Variants in KIAA1549 observed in about 807,000 individuals in gnomAD.
KIAA1549 encodes the protein KIAA1549, also known as UPF0606 protein KIAA1549.
KIAA1549 carries 70 observed loss-of-function variants against 156.4 expected under a neutral mutation model. That is an observed-to-expected ratio of 0.45 (90% confidence interval 0.37 to 0.55). KIAA1549 has a LOEUF of 0.55. KIAA1549 is among the 20% of genes least tolerant of loss of function. The pLI, the probability that KIAA1549 is intolerant of heterozygous loss-of-function variation, is 0.00. For synonymous variants in KIAA1549, 1,103 were observed against 1,066.4 expected, an observed-to-expected ratio of 1.03 and a Z score of -0.67; for missense variants, 2,428 against 2,540.9, an observed-to-expected ratio of 0.96 and a Z score of 0.96.
At position 138,958,385 on chromosome 7, in the gene KIAA1549, G is replaced by GA. The variant is rs377141448; in HGVS notation, c.187+22697dup. On this transcript the variant is annotated intron_variant, in intron 1 of 19. Coordinates refer to ENST00000422774, the MANE Select transcript of KIAA1549 (RefSeq NM_001164665.2). ...CTCCCCAAAATCTGAATCTCAAACAGAATGATTAAAAGGCTGAAATTCATC... is the reference window on the plus strand; with the variant it reads ...CTCCCCAAAATCTGAATCTCAAACAGAAATGATTAAAAGGCTGAAATTCATC... 7.9e-5 allele frequency among the ~76,000 whole-genome samples: 12 copies of GA among 152,272 alleles called. 1 individual carries two copies. The East Asian group carries it at 2.3e-3, about 29-fold the overall frequency.
intron 1 of KIAA1549, among the ~76,000 whole-genome samples, chr7:138,928,916 T>C (rs1201432929): frequency 6.6e-6 from 1 of 151,952 alleles, no homozygotes; most frequent in Non-Finnish European, 1.5e-5. Flanking sequence ...AAAAATACAT[T>C]AAAAAAAATG....
At chr7:138,881,931 A>T (rs1811256883) in intron 10 of KIAA1549, among the ~76,000 whole-genome samples, 1 of 152,218 alleles carries the variant, frequency 6.6e-6, no homozygotes, top group African/African-American at 2.4e-5. Flanking sequence ...AGGACTTGGA[A>T]ACAGAAAGAG....
intron 9 of KIAA1549, among the ~76,000 whole-genome samples, chr7:138,897,892 CAAA>C (rs59242488): frequency 0.026 from 710 of 27,256 alleles, 2 homozygotes; most frequent in African/African-American, 0.08. Flanking sequence ...GACCCTTTCT[CAAA>C]AAAAAAAAAA....
At chr7:138,908,617 T>C (rs1812075584) in intron 5 of KIAA1549, among the ~76,000 whole-genome samples, 1 of 152,094 alleles carries the variant, frequency 6.6e-6, no homozygotes, top group African/African-American at 2.4e-5. Context: ...ACATCAGCAG[T>C]TTCCATATGA....
chr7:138,861,191 G>A lies in KIAA1549; in HGVS notation c.5195C>T (p.Thr1732Ile). The A allele has an allele frequency of 1.2e-6, 2 of 1,613,844 alleles. No homozygotes were observed. The highest frequency in any genetic ancestry group is 2.2e-5 in the East Asian group (1 of 44,868). Residue 1732 changes from threonine (T) to isoleucine (I), a missense_variant, in exon 16 of 20, where the codon ACC becomes ATC. Coordinates refer to ENST00000422774, the MANE Select transcript of KIAA1549 (RefSeq NM_001164665.2). ...STPSQEERRA[T>I]QWGSFYSPAQ... Reference sequence around the variant, plus strand: ...TGGGCTGTAGAAGGACCCCCACTGGGTGGCTCGCCTCTCTTCCTGGGAAGG... The same window carrying A: ...TGGGCTGTAGAAGGACCCCCACTGGATGGCTCGCCTCTCTTCCTGGGAAGG...
intron 2 of KIAA1549, among the ~76,000 whole-genome samples, chr7:138,916,374 T>C (rs914175999): frequency 1.1e-4 from 17 of 152,266 alleles, no homozygotes; most frequent in African/African-American, 4.1e-4. Context: ...AAGGCTTGTT[T>C]AGTTCTTGTA....
intron 1 of KIAA1549, among the ~76,000 whole-genome samples, chr7:138,974,711 C>T (rs1205684415): frequency 6.6e-6 from 1 of 151,708 alleles, no homozygotes; most frequent in Non-Finnish European, 1.5e-5. Context: ...GCGTGAGCCA[C>T]CACATCCAGA....
rs1463572796 is a variant in KIAA1549 at position 138,903,844 on chromosome 7, TGTGTGTGTGC to T, written c.3521-118_3521-109del. The T allele has an allele frequency of 5.8e-3, 2,489 of 429,486 alleles. 6 individuals carry two copies. The highest frequency in any genetic ancestry group is 6.8e-3 in the African/African-American group (141 of 20,850). The allele number at this position is 429,486 out of a possible 1,614,324, so 26.6% of individuals were successfully genotyped here. A position where few individuals can be genotyped will look rare whatever the true frequency, so the allele number is the denominator to read the frequency against. Reference sequence around the variant, plus strand: ...GTGTGTGTGTGTGTGTGTGTGTGTGTGTGTGTGTGCGCGCGCGCGCGCGCGCACATATGTA... The same window carrying T: ...GTGTGTGTGTGTGTGTGTGTGTGTGTGCGCGCGCGCGCGCGCACATATGTA... On this transcript the variant is annotated intron_variant, in intron 7 of 19. Transcript: ENST00000422774.
intron 1 of KIAA1549, among the ~76,000 whole-genome samples, chr7:138,922,798 G>A (rs1812600730): frequency 6.6e-6 from 1 of 151,788 alleles, no homozygotes; most frequent in South Asian, 2.1e-4. Context: ...GACAGAATAA[G>A]ACAGTCCAAC....
chr7:138,909,540 G>T (rs1009864467), intron 4 of KIAA1549, among the ~76,000 whole-genome samples: 1 of 152,194 alleles, frequency 6.6e-6, no homozygotes, highest in Non-Finnish European at 1.5e-5. Context: ...AATTGGTGAT[G>T]TTGATAAATT....
At chr7:138,887,956 AC>A (rs1811445829) in intron 10 of KIAA1549, among the ~76,000 whole-genome samples, 1 of 152,232 alleles carries the variant, frequency 6.6e-6, no homozygotes, top group Non-Finnish European at 1.5e-5. Flanking sequence ...GCAGAAGAAT[AC>A]AAGGAGAACA....
intron 1 of KIAA1549, among the ~76,000 whole-genome samples, chr7:138,968,890 C>T (rs1814127731): frequency 6.7e-6 from 1 of 149,806 alleles, no homozygotes; most frequent in Admixed American, 6.7e-5. Context: ...ACACCTTGTG[C>T]TCCAATAATA....
chr7:138,918,721 G>C lies in KIAA1549; in HGVS notation c.905C>G (p.Pro302Arg), dbSNP rs777090501. Residue 302 changes from proline to arginine, a missense_variant, in exon 2 of 20, where the codon CCC becomes CGC. Transcript: ENST00000422774. The surrounding 1 kb of genome is among the most constrained non-coding windows in gnomAD (Gnocchi z 4.2). Reference sequence around the variant, plus strand: ...AGGCTGTGAGACCTCCCCCAAGGAGGGCAACGGTATAGTAATGCCGTCGCC... The same window carrying C: ...AGGCTGTGAGACCTCCCCCAAGGAGCGCAACGGTATAGTAATGCCGTCGCC... ...PLGDGITIPL[P>R]SLGEVSQPPE... The C allele has an allele frequency of 1.9e-6, 3 of 1,613,902 alleles. No individual in the cohort carries two copies. The highest frequency in any genetic ancestry group is 1.1e-5 in the South Asian group (1 of 91,086).
chr7:138,898,224 T>A, intron 9 of KIAA1549, among the ~76,000 whole-genome samples: 1 of 150,826 alleles, frequency 6.6e-6, no homozygotes, highest in Admixed American at 6.6e-5. Context: ...GGAGAATCAC[T>A]TGAACCCGGG....
At position 138,852,220 on chromosome 7, in the gene KIAA1549, T is replaced by G. The variant is rs763241142; in HGVS notation, c.5294+3A>C. 10 of 1,607,684 alleles carry G rather than the reference T, an allele frequency of 6.2e-6. No individual in the cohort carries two copies. The highest frequency in any genetic ancestry group is 1.7e-4 in the Middle Eastern group (1 of 6,048). On this transcript the variant is annotated splice_donor_region_variant and intron_variant, in intron 17 of 19. Coordinates refer to ENST00000422774, the MANE Select transcript of KIAA1549 (RefSeq NM_001164665.2). ...ATAATACATTTTGTTTTGAAAACCT[T>G]ACCTTGGCAATGGACCCGTCGGGGG...
At chr7:138,948,151 T>C (rs1321625691) in intron 1 of KIAA1549, among the ~76,000 whole-genome samples, 2 of 152,132 alleles carry the variant, frequency 1.3e-5, no homozygotes, top group Non-Finnish European at 2.9e-5. Flanking sequence ...TAACCCCCAC[T>C]ATCTCAGAAT....
intron 9 of KIAA1549, among the ~76,000 whole-genome samples, chr7:138,894,990 A>G (rs1811644432): frequency 6.6e-6 from 1 of 152,178 alleles, no homozygotes; most frequent in Non-Finnish European, 1.5e-5. Context: ...CTCCTAGATC[A>G]CATAAAGCAC....
intron 16 of KIAA1549, among the ~76,000 whole-genome samples, chr7:138,860,443 TG>T (rs1257516354): frequency 1.3e-5 from 2 of 152,258 alleles, no homozygotes; most frequent in African/African-American, 2.4e-5. Flanking sequence ...AAATTCATAT[TG>T]TGACCTATTA....
Position 138,898,994 on chromosome 7 carries a change from T to A in KIAA1549, c.3808A>T (p.Ile1270Phe). 6.2e-7 allele frequency: 1 copy of A among 1,613,864 alleles called. No individual in the cohort carries two copies. The highest frequency in any genetic ancestry group is 8.5e-7 in the Non-Finnish European group (1 of 1,179,766). ...INKMDLQRAA[I>F]ILGYRIQGVI... ...CCTTGAATTCGGTAACCCAAGATGA[T>A]GGCTGCTCTCTGGAGGTCCATTTTG... is the stretch of plus-strand genomic sequence containing the variant. Residue 1270 changes from isoleucine to phenylalanine, a missense_variant, in exon 9 of 20, where the codon ATC becomes TTC. Physicochemically the swap from Ile to Phe is conservative, Grantham distance 21. This residue lies in a region of KIAA1549 where 762 missense variants were observed against 901.6 expected (regional missense o/e 0.85). Coordinates refer to ENST00000422774, the MANE Select transcript of KIAA1549 (RefSeq NM_001164665.2).
Sources: gnomAD v4.1 joint callset for allele counts (sites outside exome capture counted in the v4.1 genomes callset) on GRCh38, gnomAD v4.1.1 for gene constraint, gnomAD v4.1.1 regional missense constraint, Gnocchi (gnomAD v3.1) non-coding constraint, MANE v1.5 for transcripts, NCBI Gene and HGNC (gene_info 2026-07-23, HGNC 2026-07-21) for gene names.